PIERCE2: variants seen among roughly 807,000 people sequenced by gnomAD.
PIERCE2 encodes piercer of microtubule wall 2 protein.
At chr15:55,414,911 C>G in the PIERCE2 span, among the ~76,000 whole-genome samples, 2 of 152,040 alleles carry the variant, frequency 1.3e-5, no homozygotes, top group African/African-American at 4.8e-5. Flanking sequence ...GATTGTTCAT[C>G]TATTAACTTT....
chr15:55,417,905 G>T, the PIERCE2 span: 25 of 453,670 alleles, frequency 5.5e-5, no homozygotes, highest in Non-Finnish European at 8.6e-5. Flanking sequence ...TTCTGTGGCG[G>T]GCAGGGGCAG....
At chr15:55,412,605 C>T in the PIERCE2 span, among the ~76,000 whole-genome samples, 1 of 152,100 alleles carries the variant, frequency 6.6e-6, no homozygotes, top group Non-Finnish European at 1.5e-5. Flanking sequence ...TCAGGTAGAA[C>T]ATTAATAATT....
At chr15:55,414,209 G>T in the PIERCE2 span, among the ~76,000 whole-genome samples, 72 of 134,450 alleles carry the variant, frequency 5.4e-4, no homozygotes, top group South Asian at 1.4e-3. Context: ...GTTTTTTTTT[G>T]TTTTTTTTTT....
At chr15:55,408,833 T>C in the PIERCE2 span, 2 of 1,443,898 alleles carry the variant, frequency 1.4e-6, no homozygotes, top group Non-Finnish European at 1.9e-6. Context: ...TGGTATTCGC[T>C]AGTATAATTT....
chr15:55,409,328 C>T, the PIERCE2 span, among the ~76,000 whole-genome samples: 714 of 152,054 alleles, frequency 4.7e-3, 9 homozygotes, highest in African/African-American at 0.016. Flanking sequence ...TTGCTTGAAC[C>T]TGGGAGGCAG....
the PIERCE2 span, among the ~76,000 whole-genome samples, chr15:55,413,223 G>A: frequency 1.4e-4 from 21 of 150,358 alleles, no homozygotes; most frequent in African/African-American, 4.4e-4. Context: ...AGCCAAGATC[G>A]CGCCACTGCA....
the PIERCE2 span, among the ~76,000 whole-genome samples, chr15:55,414,564 T>A: frequency 6.6e-6 from 1 of 152,250 alleles, no homozygotes; most frequent in African/African-American, 2.4e-5. Context: ...AAAAAGTTAG[T>A]AAGTGAAGTC....
chr15:55,411,685 G>A, the PIERCE2 span, among the ~76,000 whole-genome samples: 97 of 152,126 alleles, frequency 6.4e-4, 1 homozygote, highest in Non-Finnish European at 1.2e-3. Context: ...ACTTTGGGAG[G>A]CCGAGGCGGG....
At chr15:55,408,856 A>T in the PIERCE2 span, 2 of 1,117,860 alleles carry the variant, frequency 1.8e-6, no homozygotes, top group African/African-American at 3.2e-5. Context: ...GGCACCACCT[A>T]CTCCTACCAC....
chr15:55,418,236 C>T, the PIERCE2 span: 3 of 1,567,594 alleles, frequency 1.9e-6, no homozygotes, highest in Middle Eastern at 1.7e-4. Flanking sequence ...AAGAAAAGTA[C>T]TTCACCTTCA....
At chr15:55,411,408 G>A in the PIERCE2 span, among the ~76,000 whole-genome samples, 44 of 152,270 alleles carry the variant, frequency 2.9e-4, 1 homozygote, top group African/African-American at 7.7e-4. Context: ...AGGTTACAAT[G>A]AGCTGCGACT....
chr15:55,409,134 G>A, the PIERCE2 span, among the ~76,000 whole-genome samples: 2 of 152,210 alleles, frequency 1.3e-5, no homozygotes, highest in East Asian at 1.9e-4. Context: ...GCCGGGCGCC[G>A]GGGCTCAACG....
At chr15:55,417,533 G>T in the PIERCE2 span, among the ~76,000 whole-genome samples, 2 of 151,948 alleles carry the variant, frequency 1.3e-5, 1 homozygote, top group South Asian at 4.1e-4. Flanking sequence ...TGTTTATCTT[G>T]TTCCTTTCTC....
the PIERCE2 span, among the ~76,000 whole-genome samples, chr15:55,416,636 G>A: frequency 2.0e-5 from 3 of 151,962 alleles, no homozygotes; most frequent in Non-Finnish European, 4.4e-5. Context: ...ATGAGATCCT[G>A]TGAATTCTAC....
the PIERCE2 span, chr15:55,418,369 A>G: frequency 3.9e-6 from 6 of 1,537,550 alleles, no homozygotes; most frequent in Middle Eastern, 1.7e-4. Flanking sequence ...CAAAACCTCA[A>G]ATGATTATGT....
the PIERCE2 span, among the ~76,000 whole-genome samples, chr15:55,411,883 T>C: frequency 4.3e-4 from 65 of 151,870 alleles, 1 homozygote; most frequent in Admixed American, 7.2e-4. Flanking sequence ...ATTGCACCAT[T>C]GCCCTCCAGC....
chr15:55,417,997 C>T, the PIERCE2 span: 2 of 792,160 alleles, frequency 2.5e-6, no homozygotes, highest in African/African-American at 1.8e-5. Flanking sequence ...AAGGCAGGAA[C>T]CGGCCATTTT....
chr15:55,418,313 T>C, the PIERCE2 span: 1 of 1,546,416 alleles, frequency 6.5e-7, no homozygotes, highest in South Asian at 1.2e-5. Context: ...TCCTGTGTTT[T>C]CATGTATGTT....
the PIERCE2 span, among the ~76,000 whole-genome samples, chr15:55,411,984 G>A: frequency 6.6e-6 from 1 of 151,020 alleles, no homozygotes; most frequent in Non-Finnish European, 1.5e-5. Flanking sequence ...CCAGCGATTT[G>A]GGAGGCTAAG....
Sources: gnomAD v4.1 joint callset for allele counts (sites outside exome capture counted in the v4.1 genomes callset) on GRCh38, gnomAD v4.1.1 for gene constraint, MANE v1.5 for transcripts, NCBI Gene and HGNC (gene_info 2026-07-23, HGNC 2026-07-21) for gene names.